The following WDR33 variants were observed in gnomAD, a reference collection of about 807,000 sequenced individuals.
The protein encoded by WDR33 is pre-mRNA 3' end processing protein WDR33.
Under a neutral mutation model 164.9 loss-of-function variants are expected in WDR33, and 47 were observed. The observed-to-expected ratio is 0.29, with a 90% CI of 0.23 to 0.36. The LOEUF (loss-of-function observed/expected upper bound fraction) is 0.36. Among genes scored for constraint, WDR33 ranks in the 10% least tolerant of loss-of-function variants. The pLI is 1.00. For synonymous variants in WDR33, 505 were observed against 589.0 expected (o/e 0.86, Z 2.06); for missense variants, 1,137 against 1,754.1 (o/e 0.65, Z 6.28).
intron 1 of WDR33, among the ~76,000 whole-genome samples, chr2:127,773,516 C>G (rs1372096580): frequency 1.3e-5 from 2 of 152,132 alleles, no homozygotes. Flanking sequence ...GTTATTTCCA[C>G]CACTCTGAAG....
chr2:127,758,033 A>C (rs1239398162), intron 7 of WDR33, among the ~76,000 whole-genome samples: 13 of 151,844 alleles, frequency 8.6e-5, no homozygotes, highest in Admixed American at 5.2e-4. Context: ...AAAACTAAAA[A>C]CTCCTGCGTA....
chr2:127,711,770 A>T (rs1181463610), intron 18 of WDR33, among the ~76,000 whole-genome samples: 4,046 of 77,682 alleles, frequency 0.052, 283 homozygotes, highest in African/African-American at 0.15. Context: ...ATATATATAT[A>T]TATATATATA....
At chr2:127,746,881 A>T (rs1687183205) in intron 7 of WDR33, among the ~76,000 whole-genome samples, 1 of 152,256 alleles carries the variant, frequency 6.6e-6, no homozygotes, top group Non-Finnish European at 1.5e-5. Context: ...TTTTATAGAA[A>T]AAATACTTAT....
Position 127,723,394 on chromosome 2 carries a change from T to G in WDR33, c.1197-47A>C. On this transcript the variant is annotated intron_variant, in intron 11 of 21. Transcript: ENST00000322313. The surrounding 1 kb of genome is among the most constrained non-coding windows in gnomAD (Gnocchi z 5.9). The stretch of plus-strand genomic sequence containing the variant: ...AAAAGAAGCATGGCTTCACTATTTT[T>G]TTGGGCACTAAACAGTACTAGGCAG... 1 of 1,538,626 alleles carries G rather than the reference T, an allele frequency of 6.5e-7. No individual in the cohort carries two copies. Among genetic ancestry groups the G allele is most frequent in the Non-Finnish European group, 9.0e-7 (1 of 1,115,158 alleles).
At chr2:127,786,766 C>CT (rs1688589244) in intron 1 of WDR33, among the ~76,000 whole-genome samples, 2 of 150,666 alleles carry the variant, frequency 1.3e-5, no homozygotes, top group African/African-American at 4.9e-5. Context: ...TAGAAGCTTT[C>CT]TTGTAGATTC....
At position 127,745,769 on chromosome 2, in the gene WDR33, G is replaced by A. The variant is rs1012269500; in HGVS notation, c.724+17293C>T. On this transcript the variant is annotated intron_variant, in intron 7 of 21. Coordinates refer to ENST00000322313, the MANE Select transcript of WDR33 (RefSeq NM_018383.5). ...ATGCTCCAAGTCTGTAGAGTAACTCGGTATGTCTTACACTCATCCAACATG... is the reference window on the plus strand; with the variant it reads ...ATGCTCCAAGTCTGTAGAGTAACTCAGTATGTCTTACACTCATCCAACATG... 8.6e-5 allele frequency among the ~76,000 whole-genome samples: 13 copies of A among 151,866 alleles called. No individual in the cohort carries two copies. The South Asian group carries it at 1.0e-3, about 12-fold the overall frequency.
chr2:127,757,345 C>A (rs900016024), intron 7 of WDR33, among the ~76,000 whole-genome samples: 2 of 152,074 alleles, frequency 1.3e-5, no homozygotes, highest in Admixed American at 6.5e-5. Flanking sequence ...TATTTCAGAA[C>A]CCTACTACAC....
At position 127,719,146 on chromosome 2, in the gene WDR33, T is replaced by A. The variant is rs920074842; in HGVS notation, c.2760+119A>T. ...CCAGGATGCTAGTATCTTAAGCTAC[T>A]GTCACTACTTGATAAGTATTTATAT... On this transcript the variant is annotated intron_variant, in intron 16 of 21. Coordinates refer to ENST00000322313, the MANE Select transcript of WDR33 (RefSeq NM_018383.5). This position sits in a 1 kb window ranked among gnomAD's most constrained non-coding sequence, Gnocchi z 6.5. The A allele has an allele frequency of 7.3e-6, 9 of 1,230,440 alleles. No homozygotes were observed. The highest frequency in any genetic ancestry group is 9.4e-6 in the Non-Finnish European group (9 of 959,758). 76.2% of individuals were successfully genotyped at this position (1,230,440 alleles called of 1,614,324 possible). A position where few individuals can be genotyped will look rare whatever the true frequency, so the allele number is the denominator to read the frequency against.
chr2:127,775,966 T>C (rs1321467845), intron 1 of WDR33, among the ~76,000 whole-genome samples: 2 of 152,178 alleles, frequency 1.3e-5, no homozygotes, highest in East Asian at 3.8e-4. Flanking sequence ...GCTCCATCTA[T>C]ACCTTATACA....
rs775153969 is a variant in WDR33 at position 127,722,828 on chromosome 2, G to A, written c.1379-98C>T. The stretch of plus-strand genomic sequence containing the variant: ...TGGAAGAATAGATTTTAAGTATTAT[G>A]TCATTTATATAATTTTTATCAACAT... On this transcript the variant is annotated intron_variant, in intron 13 of 21. Transcript: ENST00000322313. This position sits in a 1 kb window ranked among gnomAD's most constrained non-coding sequence, Gnocchi z 5.1. The A allele has an allele frequency of 4.2e-5, 60 of 1,422,346 alleles. No individual in the cohort carries two copies. Among genetic ancestry groups the A allele is most frequent in the Non-Finnish European group, 5.1e-5 (53 of 1,048,992 alleles). The allele number at this position is 1,422,346 out of a possible 1,614,324, so 88.1% of individuals were successfully genotyped here.
In WDR33 at chr2:127,763,743, A is replaced by G; in HGVS notation, c.627-584T>C. On this transcript the variant is annotated intron_variant, in intron 6 of 21. Coordinates refer to ENST00000322313, the MANE Select transcript of WDR33 (RefSeq NM_018383.5). The surrounding 1 kb of genome is among the most constrained non-coding windows in gnomAD (Gnocchi z 4.5). ...GCACCTTTGAGGAAAACTTTAAAATAAGGACATTCAGACTTGTGTGTAAAG... is the reference window on the plus strand; with the variant it reads ...GCACCTTTGAGGAAAACTTTAAAATGAGGACATTCAGACTTGTGTGTAAAG... 1 of 985,656 alleles carries G rather than the reference A, an allele frequency of 1.0e-6. No homozygotes were observed. Among genetic ancestry groups the G allele is most frequent in the South Asian group, 4.7e-5 (1 of 21,294 alleles). 61.1% of individuals were successfully genotyped at this position (985,656 alleles called of 1,614,324 possible).
chr2:127,762,917 T>G (rs1486625816), intron 7 of WDR33, 145 bp downstream of exon 7: 8 of 1,437,336 alleles, frequency 5.6e-6, no homozygotes, highest in Non-Finnish European at 7.3e-6. Flanking sequence ...GAGAAAGTGC[T>G]GGGTTTTTTT....
intron 7 of WDR33, among the ~76,000 whole-genome samples, chr2:127,747,297 T>C (rs540954561): frequency 1.2e-4 from 18 of 152,228 alleles, no homozygotes; most frequent in African/African-American, 4.3e-4. Flanking sequence ...CAAACAACAG[T>C]TTAACATACA....
At chr2:127,748,915 C>G (rs1687238401) in intron 7 of WDR33, among the ~76,000 whole-genome samples, 1 of 149,068 alleles carries the variant, frequency 6.7e-6, no homozygotes, top group Non-Finnish European at 1.5e-5. Flanking sequence ...AAGTGCTCAC[C>G]TTAACTACTG....
At chr2:127,799,677 C>A (rs1476057573) in intron 1 of WDR33, among the ~76,000 whole-genome samples, 1 of 152,120 alleles carries the variant, frequency 6.6e-6, no homozygotes, top group Non-Finnish European at 1.5e-5. Context: ...CACCTGTAAT[C>A]CCAGCTACTC....
At chr2:127,762,986 T>A in intron 7 of WDR33, 76 bp downstream of exon 7, 2 of 1,606,326 alleles carry the variant, frequency 1.2e-6, no homozygotes, top group Non-Finnish European at 1.7e-6. Flanking sequence ...TAAGCCAGTA[T>A]TGTGGTTTTG....
intron 1 of WDR33, among the ~76,000 whole-genome samples, chr2:127,800,636 CAA>C (rs35733292): frequency 0.011 from 1,016 of 95,580 alleles, 7 homozygotes; most frequent in African/African-American, 0.036. Context: ...GACTCCGTCT[CAA>C]AAAAAAAAAA....
intron 1 of WDR33, among the ~76,000 whole-genome samples, chr2:127,779,465 CA>C (rs554509543): frequency 0.021 from 3,219 of 150,274 alleles, 125 homozygotes; most frequent in African/African-American, 0.076. Flanking sequence ...GACTCCGTTT[CA>C]AAAAAAAAGT....
chr2:127,772,957 TA>T (rs1449561616), intron 1 of WDR33, among the ~76,000 whole-genome samples: 6 of 99,480 alleles, frequency 6.0e-5, no homozygotes, highest in Admixed American at 5.1e-4. Context: ...ACTCCATCTC[TA>T]CAAAAAAAAA....
Sources: allele counts gnomAD v4.1 joint callset (sites outside exome capture counted in the v4.1 genomes callset), GRCh38; gene constraint gnomAD v4.1.1; non-coding constraint Gnocchi (gnomAD v3.1); transcripts MANE v1.5; gene names NCBI Gene and HGNC (gene_info 2026-07-23, HGNC 2026-07-21).